CSNK2A2IP: variants seen among roughly 807,000 people sequenced by gnomAD.
CSNK2A2IP encodes the protein casein kinase 2 subunit alpha' interacting protein.
the CSNK2A2IP span, among the ~76,000 whole-genome samples, chr3:88,344,438 T>A: frequency 6.6e-6 from 1 of 151,928 alleles, no homozygotes; most frequent in Non-Finnish European, 1.5e-5. Flanking sequence ...TCATCAAATA[T>A]TGGGAGAAAA....
chr3:88,339,539 T>C, the CSNK2A2IP span, among the ~76,000 whole-genome samples: 1 of 152,074 alleles, frequency 6.6e-6, no homozygotes, highest in Non-Finnish European at 1.5e-5. Flanking sequence ...TGTTGATTTC[T>C]TTTCTTTAAG....
the CSNK2A2IP span, among the ~76,000 whole-genome samples, chr3:88,395,013 G>A: frequency 1.3e-5 from 2 of 152,062 alleles, no homozygotes; most frequent in Admixed American, 1.3e-4. Flanking sequence ...ACCTTCAAAT[G>A]TACCCTCAAA....
At chr3:88,350,471 G>T in the CSNK2A2IP span, among the ~76,000 whole-genome samples, 4 of 151,922 alleles carry the variant, frequency 2.6e-5, no homozygotes, top group African/African-American at 9.7e-5. Flanking sequence ...CTTGTTTATT[G>T]GGATGGGAAG....
the CSNK2A2IP span, among the ~76,000 whole-genome samples, chr3:88,449,099 T>G: frequency 6.6e-6 from 1 of 152,114 alleles, no homozygotes; most frequent in African/African-American, 2.4e-5. Context: ...CCTCCCTTCT[T>G]TCCTTATTTT....
the CSNK2A2IP span, among the ~76,000 whole-genome samples, chr3:88,399,342 A>G: frequency 6.6e-6 from 1 of 152,186 alleles, no homozygotes; most frequent in South Asian, 2.1e-4. Flanking sequence ...CCTTCTAAAA[A>G]ATATATATGT....
the CSNK2A2IP span, among the ~76,000 whole-genome samples, chr3:88,345,093 A>C: frequency 6.6e-6 from 1 of 151,994 alleles, no homozygotes; most frequent in Non-Finnish European, 1.5e-5. Flanking sequence ...TTATATGAGC[A>C]TCTGCTCTTC....
chr3:88,373,837 C>T, the CSNK2A2IP span, among the ~76,000 whole-genome samples: 1 of 151,362 alleles, frequency 6.6e-6, no homozygotes, highest in East Asian at 1.9e-4. Context: ...AGATTAGAGA[C>T]TCTTATGAAC....
chr3:88,357,492 A>G, the CSNK2A2IP span, among the ~76,000 whole-genome samples: 1 of 152,106 alleles, frequency 6.6e-6, no homozygotes, highest in Admixed American at 6.5e-5. Context: ...GCTTTGTAGT[A>G]TTATTTGAAG....
chr3:88,390,454 A>G, the CSNK2A2IP span, among the ~76,000 whole-genome samples: 1 of 152,232 alleles, frequency 6.6e-6, no homozygotes, highest in South Asian at 2.1e-4. Context: ...CAAAAGAGTT[A>G]GTCATGAAGC....
the CSNK2A2IP span, among the ~76,000 whole-genome samples, chr3:88,363,917 C>G: frequency 6.6e-6 from 1 of 152,148 alleles, no homozygotes; most frequent in African/African-American, 2.4e-5. Flanking sequence ...CTGAGGTTTT[C>G]TTCCCCTGGC....
the CSNK2A2IP span, among the ~76,000 whole-genome samples, chr3:88,436,491 G>A: frequency 1.1e-4 from 16 of 152,172 alleles, no homozygotes; most frequent in African/African-American, 3.4e-4. Flanking sequence ...TGATGGTTGA[G>A]TTATATCATG....
At chr3:88,451,077 T>C in the CSNK2A2IP span, among the ~76,000 whole-genome samples, 1 of 152,060 alleles carries the variant, frequency 6.6e-6, no homozygotes, top group African/African-American at 2.4e-5. Context: ...TCAAAGAAGG[T>C]TTTTGAAAAA....
chr3:88,341,110 T>C, the CSNK2A2IP span, among the ~76,000 whole-genome samples: 1 of 151,984 alleles, frequency 6.6e-6, no homozygotes, highest in Non-Finnish European at 1.5e-5. Context: ...TGAAATAATA[T>C]GAAAATGTTA....
chr3:88,467,205 C>T, the CSNK2A2IP span: 5 of 400,862 alleles, frequency 1.2e-5, no homozygotes, highest in African/African-American at 1.0e-4. Context: ...CCTCCTCCTC[C>T]ACTTCCTCCT....
the CSNK2A2IP span, among the ~76,000 whole-genome samples, chr3:88,348,762 T>G: frequency 6.6e-6 from 1 of 152,082 alleles, no homozygotes; most frequent in African/African-American, 2.4e-5. Context: ...TTTTACTAGC[T>G]GTCAGCTACT....
chr3:88,421,045 C>T, the CSNK2A2IP span, among the ~76,000 whole-genome samples: 1 of 152,224 alleles, frequency 6.6e-6, no homozygotes, highest in East Asian at 1.9e-4. Context: ...TTCTCATTAT[C>T]ATGTCCTTTC....
chr3:88,383,857 G>T, the CSNK2A2IP span, among the ~76,000 whole-genome samples: 1 of 151,800 alleles, frequency 6.6e-6, no homozygotes, highest in Non-Finnish European at 1.5e-5. Flanking sequence ...GTAGAGACAG[G>T]GTTCACCGTG....
At chr3:88,343,124 T>A in the CSNK2A2IP span, 4 of 151,988 alleles carry the variant, frequency 2.6e-5, no homozygotes, top group African/African-American at 9.7e-5. Flanking sequence ...GGAGTGCGTA[T>A]CCCTTAACCA....
At chr3:88,349,539 T>C in the CSNK2A2IP span, among the ~76,000 whole-genome samples, 1 of 152,290 alleles carries the variant, frequency 6.6e-6, no homozygotes, top group African/African-American at 2.4e-5. Context: ...CATTGGTTGA[T>C]GGGCATTTAG....
Sources: allele counts gnomAD v4.1 joint callset (sites outside exome capture counted in the v4.1 genomes callset), GRCh38; gene constraint gnomAD v4.1.1; transcripts MANE v1.5; gene names NCBI Gene and HGNC (gene_info 2026-07-23, HGNC 2026-07-21).